The following DUSP10 variants were observed in gnomAD, a reference collection of about 807,000 sequenced individuals.
The protein encoded by DUSP10 is dual specificity protein phosphatase 10.
DUSP10 carries 14 observed loss-of-function variants against 30.8 expected under a neutral mutation model. The ratio of observed to expected loss-of-function variants is 0.46; its 90% CI spans 0.30 to 0.71. The LOEUF (loss-of-function observed/expected upper bound fraction) is 0.71, where lower values mean the gene tolerates loss of function less well. DUSP10 is among the 30% of genes least tolerant of loss of function. The probability of loss-of-function intolerance (pLI) is 0.08; values close to 1 mark genes in which losing one functional copy is unlikely to be tolerated. For synonymous variants in DUSP10, 254 were observed against 250.4 expected (o/e 1.01, Z -0.14); for missense variants, 550 against 619.4 (o/e 0.89, Z 1.19).
At chr1:221,741,488 T>C (rs1329289610) in intron 1 of DUSP10, among the ~76,000 whole-genome samples, 1 of 152,002 alleles carries the variant, frequency 6.6e-6, no homozygotes, top group Non-Finnish European at 1.5e-5. Flanking sequence ...ATACTGCCCG[T>C]GAAACCATCC....
intron 2 of DUSP10, among the ~76,000 whole-genome samples, chr1:221,731,774 A>C (rs2102647761): frequency 6.6e-6 from 1 of 151,850 alleles, no homozygotes; most frequent in South Asian, 2.1e-4. Flanking sequence ...ATGCCCAGCT[A>C]ATTTTTGTAT....
intron 2 of DUSP10, among the ~76,000 whole-genome samples, chr1:221,707,659 T>C (rs1331775857): frequency 6.6e-6 from 1 of 152,194 alleles, no homozygotes; most frequent in Non-Finnish European, 1.5e-5. Context: ...TACAATGTTA[T>C]CTGTTTTATA....
intron 2 of DUSP10, among the ~76,000 whole-genome samples, chr1:221,708,924 G>A (rs1194085389): frequency 1.3e-5 from 2 of 151,186 alleles, no homozygotes; most frequent in East Asian, 1.9e-4. Flanking sequence ...TCAAAAGAAG[G>A]CTCTAAAAGC....
Position 221,702,872 on chromosome 1 carries a change from T to C in DUSP10, c.1184-195A>G, listed in dbSNP as rs552853771. 2.0e-5 allele frequency among the ~76,000 whole-genome samples: 3 copies of C among 152,340 alleles called. No individual in the cohort carries two copies. The South Asian group carries it at 6.2e-4, about 32-fold the overall frequency. ...AACTTCCAGAACTGGCTAAAGTTGA[T>C]ATCAGCACGAACAAGAAGCTATACA... On this transcript the variant is annotated intron_variant, in intron 3 of 3. Coordinates refer to ENST00000366899, the MANE Select transcript of DUSP10 (RefSeq NM_007207.6). The surrounding 1 kb of genome is among the most constrained non-coding windows in gnomAD (Gnocchi z 4.5).
chr1:221,710,229 C>T (rs1319118519), intron 2 of DUSP10, among the ~76,000 whole-genome samples: 1 of 152,188 alleles, frequency 6.6e-6, no homozygotes, highest in Non-Finnish European at 1.5e-5. Flanking sequence ...CAGATCTATG[C>T]ACACGCATAG....
At chr1:221,729,015 G>A (rs1002908649) in intron 2 of DUSP10, among the ~76,000 whole-genome samples, 11 of 152,180 alleles carry the variant, frequency 7.2e-5, no homozygotes, top group Admixed American at 5.9e-4. Flanking sequence ...GAGTAACACT[G>A]GACAAGTGCC....
At chr1:221,732,698 A>G (rs549275343) in intron 2 of DUSP10, among the ~76,000 whole-genome samples, 1 of 152,236 alleles carries the variant, frequency 6.6e-6, no homozygotes, top group South Asian at 2.1e-4. Flanking sequence ...CTGTAGTGGC[A>G]TAATGAGAAT....
intron 2 of DUSP10, among the ~76,000 whole-genome samples, chr1:221,723,619 C>G (rs1661340318): frequency 6.6e-6 from 1 of 152,170 alleles, no homozygotes; most frequent in African/African-American, 2.4e-5. Context: ...ACTAGAATGA[C>G]TCACAGAACA....
chr1:221,716,064 C>T (rs1322760918), intron 2 of DUSP10, among the ~76,000 whole-genome samples: 1 of 151,844 alleles, frequency 6.6e-6, no homozygotes, highest in Non-Finnish European at 1.5e-5. Context: ...CCTTCTCTCC[C>T]TCTCCCTACA....
chr1:221,705,401 G>A (rs894404576), intron 3 of DUSP10, among the ~76,000 whole-genome samples: 9 of 152,138 alleles, frequency 5.9e-5, no homozygotes, highest in African/African-American at 1.2e-4. Flanking sequence ...ATGAGCCACC[G>A]CGCCCGGCGA....
chr1:221,706,374 C>T lies in DUSP10; in HGVS notation c.904G>A (p.Ala302Thr), dbSNP rs751183346. 8 of 1,590,130 alleles carry T rather than the reference C, an allele frequency of 5.0e-6. No homozygotes were observed. Among genetic ancestry groups the T allele is most frequent in the African/African-American group, 4.0e-5 (3 of 74,428 alleles). ...ECREVGGGAS[A>T]ASSLLPQPIP... ...GGCTGAGGTAGCAAGCTCGAGGCCG[C>T]GGATGCGCCGCCCCCCACCTCCCGG... The change falls in exon 3 of 4, where the codon GCG becomes ACG. Residue 302 changes from alanine (A) to threonine (T), a missense_variant. By Grantham distance (58) the Ala-to-Thr change is moderately conservative. Coordinates refer to ENST00000366899, the MANE Select transcript of DUSP10 (RefSeq NM_007207.6). This position sits in a 1 kb window ranked among gnomAD's most constrained non-coding sequence, Gnocchi z 4.6.
Position 221,739,368 on chromosome 1 carries a change from G to A in DUSP10, c.377C>T (p.Ser126Phe). 1 of 1,614,138 alleles carries A rather than the reference G, an allele frequency of 6.2e-7. No individual in the cohort carries two copies. Among genetic ancestry groups the A allele is most frequent in the Non-Finnish European group, 8.5e-7 (1 of 1,179,992 alleles). Residue 126 changes from serine (S) to phenylalanine (F), a missense_variant, in exon 2 of 4, where the codon TCT becomes TTT. Transcript: ENST00000366899. ...GCCCACCCCACTTGATGGACTTAGAGAGCCTGTATTCTCATTATTGTTGAC... is the reference window on the plus strand; with the variant it reads ...GCCCACCCCACTTGATGGACTTAGAAAGCCTGTATTCTCATTATTGTTGAC... ...QMVNNNENTG[S>F]LSPSSGVGSP...
At chr1:221,722,167 T>G (rs1190072632) in intron 2 of DUSP10, among the ~76,000 whole-genome samples, 1 of 152,102 alleles carries the variant, frequency 6.6e-6, no homozygotes, top group Non-Finnish European at 1.5e-5. Context: ...AACACAGGAG[T>G]TCTCTCTTTT....
intron 3 of DUSP10, among the ~76,000 whole-genome samples, chr1:221,705,292 G>A (rs1660722356): frequency 6.6e-6 from 1 of 151,978 alleles, no homozygotes; most frequent in Admixed American, 6.5e-5. Flanking sequence ...TATTTTTTTA[G>A]TAGAGATGGA....
intron 2 of DUSP10, among the ~76,000 whole-genome samples, chr1:221,719,670 G>A (rs888016618): frequency 2.6e-5 from 4 of 152,164 alleles, no homozygotes; most frequent in Admixed American, 2.6e-4. Context: ...GCGCTGACCT[G>A]GGATGCATCC....
intron 2 of DUSP10, among the ~76,000 whole-genome samples, chr1:221,723,271 C>A (rs898736545): frequency 1.3e-5 from 2 of 152,232 alleles, no homozygotes; most frequent in Admixed American, 6.5e-5. Context: ...AAGATTGAGT[C>A]ATTTTCCAAG....
intron 2 of DUSP10, among the ~76,000 whole-genome samples, chr1:221,718,400 T>A (rs1661180317): frequency 1.3e-5 from 2 of 152,080 alleles, no homozygotes; most frequent in African/African-American, 2.4e-5. Context: ...GGGCTCCACC[T>A]TTTTTGCTCA....
chr1:221,733,618 G>C (rs1661679858), intron 2 of DUSP10, among the ~76,000 whole-genome samples: 1 of 152,242 alleles, frequency 6.6e-6, no homozygotes. Context: ...TAGGAGAGCA[G>C]GGTCCAGAGG....
In DUSP10 at chr1:221,706,100, A is replaced by G; in HGVS notation, c.1178T>C (p.Phe393Ser). Reference sequence around the variant, plus strand: ...TCCCTATGGGAGATAGTTACCAATGAACTCAAAAGCCTCTTCAAAGTACTG... The same window carrying G: ...TCCCTATGGGAGATAGTTACCAATGGACTCAAAAGCCTCTTCAAAGTACTG... ...LRQYFEEAFE[F>S]IEEAHQCGKG... The change falls in exon 3 of 4, where the codon TTC (phenylalanine) becomes TCC (serine). Residue 393 changes from phenylalanine to serine, a missense_variant. Physicochemically the swap from Phe to Ser is radical, Grantham distance 155 (BLOSUM62 -2). Coordinates refer to ENST00000366899, the MANE Select transcript of DUSP10 (RefSeq NM_007207.6). This position sits in a 1 kb window ranked among gnomAD's most constrained non-coding sequence, Gnocchi z 4.6. 1 of 1,611,578 alleles carries G rather than the reference A, an allele frequency of 6.2e-7. No individual in the cohort carries two copies. Among genetic ancestry groups the G allele is most frequent in the South Asian group, 1.1e-5 (1 of 90,872 alleles).
Sources: gnomAD v4.1 joint callset for allele counts (sites outside exome capture counted in the v4.1 genomes callset) on GRCh38, gnomAD v4.1.1 for gene constraint, Gnocchi (gnomAD v3.1) non-coding constraint, MANE v1.5 for transcripts, NCBI Gene and HGNC (gene_info 2026-07-23, HGNC 2026-07-21) for gene names.